The following WDCP variants were observed in gnomAD, a reference collection of about 807,000 sequenced individuals.
WDCP encodes WD repeat and coiled coil containing.
WDCP carries 19 observed loss-of-function variants against 41.6 expected under a neutral mutation model. The ratio of observed to expected loss-of-function variants is 0.46; its 90% confidence interval spans 0.32 to 0.67. The LOEUF is 0.67. Ranked by LOEUF, WDCP falls within the 30% of genes least tolerant of loss-of-function variation. The pLI is 0.04. For synonymous variants in WDCP, 302 were observed against 320.8 expected, an observed-to-expected ratio of 0.94 and a Z score of 0.63; for missense variants, 802 against 850.7, an observed-to-expected ratio of 0.94 and a Z score of 0.71.
intron 3 of WDCP, among the ~76,000 whole-genome samples, chr2:24,032,147 G>A (rs1188342351): frequency 1.3e-5 from 2 of 152,168 alleles, no homozygotes; most frequent in Non-Finnish European, 2.9e-5. Flanking sequence ...CAAGGTGGAC[G>A]GATCACTTGA....
In WDCP at chr2:24,034,335, G is replaced by A. The variant is rs555987780; in HGVS notation, c.1819-1389C>T. ...ACCTGGGTGGCTGAGGCAGAGAATC[G>A]CTTGAACCCAGGAGGCGGAGGTTGC... is the stretch of plus-strand genomic sequence containing the variant. On this transcript the variant is annotated intron_variant, in intron 2 of 3. Coordinates refer to ENST00000295148, the MANE Select transcript of WDCP (RefSeq NM_025203.3). 1.3e-3 allele frequency among the ~76,000 whole-genome samples: 205 copies of A among 152,116 alleles called. 2 individuals are homozygous for A. The highest frequency in any genetic ancestry group is 4.7e-3 in the African/African-American group (197 of 41,506).
chr2:24,030,528 T>A lies in WDCP; in HGVS notation c.*405A>T, dbSNP rs1663071698. 1 of 159,708 alleles carries A rather than the reference T, an allele frequency of 6.3e-6. No homozygotes were observed. Among genetic ancestry groups the A allele is most frequent in the African/African-American group, 2.4e-5 (1 of 41,560 alleles). 9.9% of individuals were successfully genotyped at this position (159,708 alleles called of 1,614,324 possible). A position where few individuals can be genotyped will look rare whatever the true frequency, so the allele number is the denominator to read the frequency against. ...CCCAGCAGACTCCTCAACCTCCTCT[T>A]GAAGCCAAGAAAAAGACCTATAACA... On this transcript the variant is annotated 3_prime_UTR_variant, in exon 4 of 4. Coordinates refer to ENST00000295148, the MANE Select transcript of WDCP (RefSeq NM_025203.3).
chr2:24,044,962 T>C (rs1663567163), intron 1 of WDCP, among the ~76,000 whole-genome samples: 1 of 152,194 alleles, frequency 6.6e-6, no homozygotes, highest in Non-Finnish European at 1.5e-5. Context: ...TTATCAGATA[T>C]TGATATATCT....
intron 2 of WDCP, 125 bp from the exon 3 acceptor site, chr2:24,033,071 T>A (rs1166850405): frequency 8.3e-6 from 6 of 720,234 alleles, no homozygotes; most frequent in Non-Finnish European, 1.5e-5. Context: ...TCAACTGGAC[T>A]TCAGTTTTAA....
At chr2:24,041,559 G>A (rs1176923451) in intron 1 of WDCP, among the ~76,000 whole-genome samples, 1 of 151,858 alleles carries the variant, frequency 6.6e-6, no homozygotes, top group Non-Finnish European at 1.5e-5. Flanking sequence ...TCATAGGCAT[G>A]AGCCACCCAG....
chr2:24,031,160 A>G lies in WDCP; in HGVS notation c.1939T>C (p.Ser647Pro), dbSNP rs1438675310. The G allele has an allele frequency of 6.2e-7, 1 of 1,606,672 alleles. No individual in the cohort carries two copies. Among genetic ancestry groups the G allele is most frequent in the Non-Finnish European group, 8.5e-7 (1 of 1,174,504 alleles). Residue 647 changes from serine (S) to proline (P), a missense_variant and splice_region_variant, in exon 4 of 4, where the codon TCC becomes CCC. By Grantham distance (74) the Ser-to-Pro change is moderately conservative. Coordinates refer to ENST00000295148, the MANE Select transcript of WDCP (RefSeq NM_025203.3). ...TCAGCAGAGAGAAGAATCCAGTGGG[A>G]ATCTGCAAATAAAAATAAATACACA... ...GLSLIEMLHD[S>P]HWILLSADSE...
chr2:24,034,016 C>T (rs114425562), intron 2 of WDCP, among the ~76,000 whole-genome samples: 9 of 152,288 alleles, frequency 5.9e-5, no homozygotes, highest in South Asian at 2.1e-4. Flanking sequence ...ATTTATTTCA[C>T]GTCTTATGAA....
intron 2 of WDCP, among the ~76,000 whole-genome samples, chr2:24,037,059 G>A (rs921105198): frequency 6.6e-6 from 1 of 152,228 alleles, no homozygotes; most frequent in East Asian, 1.9e-4. Flanking sequence ...ACGGAGTCTC[G>A]CCCTGTTGCC....
chr2:24,040,608 A>G (rs956659180), intron 1 of WDCP, among the ~76,000 whole-genome samples: 10 of 152,220 alleles, frequency 6.6e-5, no homozygotes, highest in African/African-American at 2.4e-4. Flanking sequence ...CACATTCCCT[A>G]TTGCATTTTA....
chr2:24,045,168 A>T (rs1348743794), intron 1 of WDCP, among the ~76,000 whole-genome samples: 3 of 152,238 alleles, frequency 2.0e-5, no homozygotes, highest in Non-Finnish European at 4.4e-5. Flanking sequence ...TATTCAAGAG[A>T]TGCTTTTAAG....
intron 3 of WDCP, among the ~76,000 whole-genome samples, chr2:24,032,273 T>C (rs1313533179): frequency 3.3e-5 from 5 of 152,146 alleles, no homozygotes; most frequent in Non-Finnish European, 4.4e-5. Context: ...TCCCAGCACT[T>C]TGGGAGGCCG....
chr2:24,037,656 G>A, intron 2 of WDCP, 21 bp downstream of exon 2: 1 of 1,587,338 alleles, frequency 6.3e-7, no homozygotes, highest in Non-Finnish European at 8.5e-7. Context: ...TATAGTGGTA[G>A]TTCCTCAAAG....
intron 1 of WDCP, among the ~76,000 whole-genome samples, chr2:24,046,853 C>A (rs772992226): frequency 1.3e-5 from 2 of 152,168 alleles, no homozygotes; most frequent in Non-Finnish European, 2.9e-5. Context: ...AACTTTGTAT[C>A]ACGGTTTTCA....
intron 1 of WDCP, among the ~76,000 whole-genome samples, chr2:24,042,812 C>G (rs111310684): frequency 0.16 from 23,880 of 152,002 alleles, 2,095 homozygotes; most frequent in South Asian, 0.2. Context: ...GCGGGCAGAT[C>G]ACCTGACCAT....
In WDCP at chr2:24,037,877, G is replaced by T. The variant is rs748995402; in HGVS notation, c.1618C>A (p.Pro540Thr). 15 of 1,614,038 alleles carry T rather than the reference G, an allele frequency of 9.3e-6. No individual in the cohort carries two copies. Among genetic ancestry groups the T allele is most frequent in the African/African-American group, 1.3e-5 (1 of 74,892 alleles). Residue 540 changes from proline (P) to threonine (T), a missense_variant, in exon 2 of 4, where the codon CCT becomes ACT. Around this residue, in one of 5 missense-constraint regions of WDCP, gnomAD observed 321 missense variants for 305.1 expected, o/e 1.05. Transcript: ENST00000295148. ...AAGTTCTTTCTTTGAGGCAAACGAG[G>T]AGGCTCCAGTGTGCTGGTGTGGTCT... ...TPDHTSTLEP[P>T]RLPQRKNLQS...
intron 2 of WDCP, among the ~76,000 whole-genome samples, chr2:24,035,929 T>C (rs1010020592): frequency 2.0e-4 from 31 of 151,554 alleles, no homozygotes; most frequent in Non-Finnish European, 4.0e-4. Flanking sequence ...ATTAGCCAGG[T>C]GTGGTGGCAC....
chr2:24,032,213 C>T (rs1383097933), intron 3 of WDCP, among the ~76,000 whole-genome samples: 1 of 152,076 alleles, frequency 6.6e-6, no homozygotes. Context: ...TATCTACAAA[C>T]ATTTTTTTTA....
rs992998434 is a variant in WDCP at position 24,029,868 on chromosome 2, G to A, written c.*1065C>T. 2.0e-5 allele frequency: 3 copies of A among 152,534 alleles called. No individual in the cohort carries two copies. The highest frequency in any genetic ancestry group is 6.5e-5 in the Admixed American group (1 of 15,280). The allele number at this position is 152,534 out of a possible 1,614,324, so 9.4% of individuals were successfully genotyped here. On this transcript the variant is annotated 3_prime_UTR_variant, in exon 4 of 4. Transcript: ENST00000295148. Reference sequence around the variant, plus strand: ...TGATTCCATCTGAAGGCAGTGAGAAGTGGTGTTACCATCTGAAGTGGGTCA... The same window carrying A: ...TGATTCCATCTGAAGGCAGTGAGAAATGGTGTTACCATCTGAAGTGGGTCA...
chr2:24,040,742 C>T (rs1163858310), intron 1 of WDCP, among the ~76,000 whole-genome samples: 2 of 152,194 alleles, frequency 1.3e-5, no homozygotes, highest in African/African-American at 2.4e-5. Flanking sequence ...TAGGGCTGGG[C>T]GTGGTGACTC....
Sources: gnomAD v4.1 joint callset for allele counts (sites outside exome capture counted in the v4.1 genomes callset) on GRCh38, gnomAD v4.1.1 for gene constraint, gnomAD v4.1.1 regional missense constraint, MANE v1.5 for transcripts, NCBI Gene and HGNC (gene_info 2026-07-23, HGNC 2026-07-21) for gene names.